Variants in LINGO2 observed in about 807,000 individuals in gnomAD.
LINGO2 encodes leucine rich repeat and Ig domain containing 2.
In LINGO2, 14 loss-of-function variants were observed where a neutral mutation model predicts 30.6. That is an observed-to-expected ratio of 0.46 (90% CI 0.30 to 0.72). The LOEUF (loss-of-function observed/expected upper bound fraction) is 0.72. Ranked by LOEUF, LINGO2 falls within the 30% of genes least tolerant of loss-of-function variation. The pLI, the probability that LINGO2 is intolerant of heterozygous loss-of-function variation, is 0.07. For synonymous variants in LINGO2, 317 were observed against 288.5 expected (o/e 1.10, Z -1.00); for missense variants, 729 against 751.7 (o/e 0.97, Z 0.35).
intron 1 of LINGO2, among the ~76,000 whole-genome samples, chr9:28,576,663 T>A (rs533162904): frequency 6.6e-6 from 1 of 152,292 alleles, no homozygotes; most frequent in African/African-American, 2.4e-5. Flanking sequence ...CATTGTCACA[T>A]ACATCATTGT....
At chr9:28,567,006 A>T (rs1404229741) in intron 1 of LINGO2, among the ~76,000 whole-genome samples, 1 of 152,202 alleles carries the variant, frequency 6.6e-6, no homozygotes. Flanking sequence ...AGTAAATGCA[A>T]CATTACTTCC....
intron 4 of LINGO2, among the ~76,000 whole-genome samples, chr9:28,240,992 C>T (rs1022476434): frequency 6.6e-6 from 1 of 152,026 alleles, no homozygotes; most frequent in Non-Finnish European, 1.5e-5. Context: ...AAAATCTGGT[C>T]GGGCACAGTG....
chr9:28,782,127 C>T, the LINGO2 span, among the ~76,000 whole-genome samples: 1 of 152,026 alleles, frequency 6.6e-6, no homozygotes, highest in African/African-American at 2.4e-5. Flanking sequence ...ATATATATAT[C>T]TTACAAGCCA....
chr9:28,136,303 AT>A (rs1231319124), intron 4 of LINGO2, among the ~76,000 whole-genome samples: 3 of 152,208 alleles, frequency 2.0e-5, no homozygotes, highest in African/African-American at 7.2e-5. Context: ...AGAAAAAGGC[AT>A]TCCCTTCCTG....
intron 4 of LINGO2, among the ~76,000 whole-genome samples, chr9:28,252,319 G>A (rs1006680295): frequency 2.0e-5 from 3 of 151,898 alleles, no homozygotes; most frequent in Admixed American, 6.6e-5. Context: ...TCTGCCTCCC[G>A]GGTTCAAGTG....
intron 4 of LINGO2, among the ~76,000 whole-genome samples, chr9:28,133,776 C>A (rs949550536): frequency 1.3e-5 from 2 of 152,046 alleles, no homozygotes; most frequent in Non-Finnish European, 2.9e-5. Context: ...ATGTTGGTGT[C>A]CTTTAAGATT....
rs546040398 is a variant in LINGO2 at position 28,057,280 on chromosome 9, GT to G, written c.-86-44876del. Among the ~76,000 whole-genome samples, 1,031 of 145,412 alleles carry G rather than the reference GT, an allele frequency of 7.1e-3. 1 individual carries two copies. The highest frequency in any genetic ancestry group is 0.015 in the African/African-American group (613 of 39,742). On this transcript the variant is annotated intron_variant, in intron 4 of 5. Coordinates refer to ENST00000379992, the Ensembl canonical transcript of LINGO2. ...AACCAATAAGTTAAGCAAAAGTAAAGTTTTTTTTTTTTATTGCAGGATTTCT... is the reference window on the plus strand; with the variant it reads ...AACCAATAAGTTAAGCAAAAGTAAAGTTTTTTTTTTTATTGCAGGATTTCT...
At chr9:28,883,735 T>G in the LINGO2 span, among the ~76,000 whole-genome samples, 2 of 146,048 alleles carry the variant, frequency 1.4e-5, no homozygotes, top group East Asian at 2.0e-4. Context: ...TGAAGTGCAG[T>G]GGCATGATCT....
the LINGO2 span, among the ~76,000 whole-genome samples, chr9:28,744,611 TGTG>T: frequency 0.039 from 5,242 of 133,938 alleles, 393 homozygotes; most frequent in African/African-American, 0.14. Context: ...ATTCCCCTCG[TGTG>T]TGTGTGTGTG....
intron 1 of LINGO2, among the ~76,000 whole-genome samples, chr9:28,624,448 C>T (rs1410896004): frequency 1.3e-5 from 2 of 151,870 alleles, no homozygotes; most frequent in East Asian, 1.9e-4. Context: ...GTCCTTCATT[C>T]TGTTTATATG....
At chr9:29,095,928 C>A in the LINGO2 span, among the ~76,000 whole-genome samples, 1 of 137,674 alleles carries the variant, frequency 7.3e-6, no homozygotes, top group Non-Finnish European at 1.6e-5. Context: ...TGGAGTGATA[C>A]CAAGGAATGA....
At chr9:28,388,358 C>T (rs10968551) in intron 2 of LINGO2, among the ~76,000 whole-genome samples, 4 of 152,034 alleles carry the variant, frequency 2.6e-5, no homozygotes, top group African/African-American at 7.2e-5. Flanking sequence ...CTATTGTAAA[C>T]ATTGCTGCTG....
the LINGO2 span, among the ~76,000 whole-genome samples, chr9:28,986,165 G>C: frequency 2.8e-4 from 43 of 152,032 alleles, no homozygotes; most frequent in African/African-American, 9.9e-4. Context: ...TCAATTGACT[G>C]TATATGCCTT....
At chr9:28,746,864 C>G in the LINGO2 span, among the ~76,000 whole-genome samples, 1 of 151,980 alleles carries the variant, frequency 6.6e-6, no homozygotes, top group Admixed American at 6.6e-5. Context: ...TTCACTTTCA[C>G]CTGCCTTACT....
At chr9:28,064,444 G>A (rs1436786166) in intron 4 of LINGO2, among the ~76,000 whole-genome samples, 1 of 152,096 alleles carries the variant, frequency 6.6e-6, no homozygotes, top group Non-Finnish European at 1.5e-5. Flanking sequence ...AGCTGGGCTT[G>A]TCTCGGTATA....
At chr9:28,625,648 T>C (rs1826626494) in intron 1 of LINGO2, among the ~76,000 whole-genome samples, 1 of 152,120 alleles carries the variant, frequency 6.6e-6, no homozygotes, top group Non-Finnish European at 1.5e-5. Flanking sequence ...TAAAATGAGG[T>C]ATGCCCATTT....
At chr9:29,092,026 G>A in the LINGO2 span, among the ~76,000 whole-genome samples, 1 of 151,890 alleles carries the variant, frequency 6.6e-6, no homozygotes, top group Non-Finnish European at 1.5e-5. Flanking sequence ...TATAAAAATA[G>A]TAATAATAAG....
the LINGO2 span, among the ~76,000 whole-genome samples, chr9:28,906,918 C>T: frequency 6.6e-6 from 1 of 151,766 alleles, no homozygotes; most frequent in African/African-American, 2.4e-5. Flanking sequence ...AAAGTTCTGT[C>T]ATATTTGTTT....
chr9:28,248,384 C>T (rs926311774), intron 4 of LINGO2, among the ~76,000 whole-genome samples: 1 of 152,098 alleles, frequency 6.6e-6, no homozygotes, highest in East Asian at 1.9e-4. Flanking sequence ...TGTTTTTACT[C>T]ATTTGTGAGA....
Sources: allele counts gnomAD v4.1 joint callset (sites outside exome capture counted in the v4.1 genomes callset), GRCh38; gene constraint gnomAD v4.1.1; transcripts MANE v1.5; gene names NCBI Gene and HGNC (gene_info 2026-07-23, HGNC 2026-07-21).